The following EXOC4 variants were observed in gnomAD, a reference collection of about 807,000 sequenced individuals.
The protein encoded by EXOC4 is exocyst complex component 4.
In EXOC4, 71 loss-of-function variants were observed where a neutral mutation model predicts 107.2. That is an observed-to-expected ratio of 0.66 (90% CI 0.55 to 0.81). EXOC4 has a LOEUF of 0.81. Ranked by LOEUF, EXOC4 falls within the 30% of genes least tolerant of loss-of-function variation. EXOC4 has a pLI of 0.00. For missense variants in EXOC4, 1,108 were observed against 1,189.6 expected (o/e 0.93, Z 1.01); for synonymous variants, 456 against 441.2 (o/e 1.03, Z -0.42).
chr7:133,476,472 A>G lies in EXOC4; in HGVS notation c.1328+999A>G, dbSNP rs560273016. Among the ~76,000 whole-genome samples, 9 of 152,292 alleles carry G rather than the reference A, an allele frequency of 5.9e-5. No individual in the cohort carries two copies. The East Asian group carries it at 1.7e-3, about 29-fold the overall frequency. ...GACCACCACTGAAGTATCCCAGTATATTGAATTTATTCTTTTTCAGCAGTT... is the reference window on the plus strand; with the variant it reads ...GACCACCACTGAAGTATCCCAGTATGTTGAATTTATTCTTTTTCAGCAGTT... On this transcript the variant is annotated intron_variant, in intron 8 of 17. Transcript: ENST00000253861.
At chr7:133,817,596 G>T in intron 11 of EXOC4, 52 bp downstream of exon 11, 1 of 1,315,980 alleles carries the variant, frequency 7.6e-7, no homozygotes, top group South Asian at 1.3e-5. Flanking sequence ...TCATTGACTT[G>T]GCAAGTGTCA....
At chr7:133,589,678 A>C (rs1310431080) in intron 9 of EXOC4, among the ~76,000 whole-genome samples, 1 of 152,128 alleles carries the variant, frequency 6.6e-6, no homozygotes, top group Non-Finnish European at 1.5e-5. Flanking sequence ...GATGTTGGCT[A>C]TTGTGTGTGC....
chr7:133,378,702 A>G (rs73148945), intron 7 of EXOC4, among the ~76,000 whole-genome samples: 9,374 of 151,502 alleles, frequency 0.062, 407 homozygotes, highest in Middle Eastern at 0.17. Context: ...ATTCTAAGAT[A>G]GATACGTAGC....
the EXOC4 span, among the ~76,000 whole-genome samples, chr7:134,097,667 G>A: frequency 1.3e-5 from 2 of 152,170 alleles, no homozygotes; most frequent in Admixed American, 1.3e-4. Flanking sequence ...ACATTGACTG[G>A]AAATCTACCC....
chr7:133,657,864 GCAAT>G (rs1803338440), intron 10 of EXOC4, among the ~76,000 whole-genome samples: 1 of 152,134 alleles, frequency 6.6e-6, no homozygotes, highest in Admixed American at 6.6e-5. Flanking sequence ...GATTCATTCA[GCAAT>G]CAATTACTGA....
At chr7:133,893,566 G>A (rs1232858170) in intron 11 of EXOC4, among the ~76,000 whole-genome samples, 3 of 68,104 alleles carry the variant, frequency 4.4e-5, no homozygotes, top group Non-Finnish European at 4.9e-5. Flanking sequence ...GGCTGGTACC[G>A]GTTGTTCCTT....
intron 14 of EXOC4, among the ~76,000 whole-genome samples, chr7:133,949,001 A>G (rs1433189485): frequency 6.6e-6 from 1 of 152,230 alleles, no homozygotes; most frequent in African/African-American, 2.4e-5. Context: ...AGCAAGGCGA[A>G]TGCAATGCTG....
chr7:133,907,780 A>C (rs929749227), intron 12 of EXOC4, among the ~76,000 whole-genome samples: 3 of 151,110 alleles, frequency 2.0e-5, no homozygotes, highest in Non-Finnish European at 4.4e-5. Context: ...CAGAGGTTGC[A>C]GTGAGGACTC....
intron 5 of EXOC4, among the ~76,000 whole-genome samples, chr7:133,349,578 G>A (rs115006352): frequency 9.2e-5 from 14 of 152,172 alleles, no homozygotes; most frequent in African/African-American, 3.4e-4. Context: ...CTCTTGAGTT[G>A]CTTCCACATT....
intron 9 of EXOC4, among the ~76,000 whole-genome samples, chr7:133,590,296 A>G (rs949315651): frequency 1.1e-4 from 16 of 151,958 alleles, no homozygotes; most frequent in African/African-American, 3.9e-4. Flanking sequence ...ATTAATTAGT[A>G]TTTTTATTTT....
chr7:134,026,830 C>A (rs1042307814), intron 17 of EXOC4, among the ~76,000 whole-genome samples: 9 of 152,152 alleles, frequency 5.9e-5, no homozygotes, highest in Non-Finnish European at 1.5e-5. Context: ...ATAGGCAGAG[C>A]AACGTTGCTT....
chr7:134,063,083 G>A (rs1255279070), intron 17 of EXOC4, among the ~76,000 whole-genome samples: 1 of 152,110 alleles, frequency 6.6e-6, no homozygotes, highest in African/African-American at 2.4e-5. Context: ...TCCTTTATTG[G>A]CTTAACTAGG....
intron 9 of EXOC4, among the ~76,000 whole-genome samples, chr7:133,627,672 T>C: frequency 6.6e-6 from 1 of 152,186 alleles, no homozygotes; most frequent in Non-Finnish European, 1.5e-5. Flanking sequence ...AGGAGGATTT[T>C]ATTAAAAGTG....
chr7:133,711,499 G>A (rs1427507635), intron 10 of EXOC4, among the ~76,000 whole-genome samples: 1 of 152,148 alleles, frequency 6.6e-6, no homozygotes, highest in Admixed American at 6.5e-5. Flanking sequence ...TGTTTTTAGG[G>A]AAAATAGACT....
chr7:133,818,246 A>T (rs1797422761), intron 11 of EXOC4, among the ~76,000 whole-genome samples: 1 of 152,202 alleles, frequency 6.6e-6, no homozygotes. Context: ...ATTAACTATT[A>T]TTACGTTGGA....
chr7:133,803,518 A>C (rs1359716321), intron 10 of EXOC4, among the ~76,000 whole-genome samples: 1 of 152,240 alleles, frequency 6.6e-6, no homozygotes, highest in Non-Finnish European at 1.5e-5. Flanking sequence ...TGTCATCAAC[A>C]TAATCCAAAA....
chr7:133,946,620 G>A (rs545487566), intron 14 of EXOC4, among the ~76,000 whole-genome samples: 5 of 152,274 alleles, frequency 3.3e-5, no homozygotes, highest in African/African-American at 7.2e-5. Flanking sequence ...GTGGAAAGCC[G>A]CTGTGCTTAG....
At chr7:134,055,982 A>G (rs1795911798) in intron 17 of EXOC4, among the ~76,000 whole-genome samples, 2 of 152,182 alleles carry the variant, frequency 1.3e-5, no homozygotes, top group Non-Finnish European at 2.9e-5. Flanking sequence ...TTATTGAAAA[A>G]TTAATAATGT....
chr7:133,894,522 C>T (rs1422878143), intron 11 of EXOC4, among the ~76,000 whole-genome samples: 1 of 95,732 alleles, frequency 1.0e-5, no homozygotes, highest in Non-Finnish European at 1.9e-5. Context: ...TTAGAGTTTC[C>T]AGTTTTTCTG....
Sources: gnomAD v4.1 joint callset for allele counts (sites outside exome capture counted in the v4.1 genomes callset) on GRCh38, gnomAD v4.1.1 for gene constraint, MANE v1.5 for transcripts, NCBI Gene and HGNC (gene_info 2026-07-23, HGNC 2026-07-21) for gene names.